SNTG1: variants seen among roughly 807,000 people sequenced by gnomAD.
The protein encoded by SNTG1 is syntrophin gamma 1.
SNTG1 carries 39 observed loss-of-function variants against 74.7 expected under a neutral mutation model. The observed-to-expected ratio is 0.52, with a 90% CI of 0.40 to 0.68. The LOEUF is 0.68. SNTG1 is among the 30% of genes least tolerant of loss of function. The probability of loss-of-function intolerance (pLI) is 0.00; values close to 1 mark genes in which losing one functional copy is unlikely to be tolerated. For missense variants in SNTG1, 685 were observed against 609.5 expected, an observed-to-expected ratio of 1.12 and a Z score of -1.30; for synonymous variants, 254 against 217.1, an observed-to-expected ratio of 1.17 and a Z score of -1.49.
intron 1 of SNTG1, among the ~76,000 whole-genome samples, chr8:49,922,302 G>T (rs1254877985): frequency 6.6e-6 from 1 of 152,040 alleles, no homozygotes; most frequent in Non-Finnish European, 1.5e-5. Context: ...CTAGAGGAGT[G>T]AATTATCTAC....
At chr8:49,914,139 A>G (rs999320087) in intron 1 of SNTG1, among the ~76,000 whole-genome samples, 1 of 152,144 alleles carries the variant, frequency 6.6e-6, no homozygotes, top group African/African-American at 2.4e-5. Context: ...CTAATCTCTA[A>G]TTGTAAAGTA....
chr8:50,476,295 C>T (rs1446146085), intron 8 of SNTG1, among the ~76,000 whole-genome samples: 3 of 152,104 alleles, frequency 2.0e-5, no homozygotes, highest in Admixed American at 1.3e-4. Flanking sequence ...ACAGGAAAAA[C>T]ATGGTATATA....
intron 2 of SNTG1, among the ~76,000 whole-genome samples, chr8:50,177,437 C>T (rs2083040432): frequency 6.6e-6 from 1 of 152,162 alleles, no homozygotes. Flanking sequence ...TGCTTGCCTC[C>T]CTCTGTCCTG....
intron 15 of SNTG1, among the ~76,000 whole-genome samples, chr8:50,676,603 G>T (rs2095310652): frequency 6.6e-6 from 1 of 151,448 alleles, no homozygotes; most frequent in South Asian, 2.1e-4. Context: ...TACCGTTTCT[G>T]ATTCTTTTAG....
At chr8:50,501,611 A>ATTTTTTTTTTT (rs57220646) in intron 8 of SNTG1, among the ~76,000 whole-genome samples, 3 of 134,132 alleles carry the variant, frequency 2.2e-5, no homozygotes, top group Non-Finnish European at 3.3e-5. Context: ...ATTTTTTTTT[A>ATTTTTTTTTTT]TTTTTTTTTT....
intron 17 of SNTG1, among the ~76,000 whole-genome samples, chr8:50,730,432 T>C (rs2095510213): frequency 6.6e-6 from 1 of 152,218 alleles, no homozygotes; most frequent in Non-Finnish European, 1.5e-5. Flanking sequence ...TATTTCACAC[T>C]ATTTTGGCAC....
chr8:50,731,567 G>A (rs2095513075), intron 17 of SNTG1, among the ~76,000 whole-genome samples: 2 of 151,930 alleles, frequency 1.3e-5, no homozygotes, highest in African/African-American at 4.8e-5. Flanking sequence ...AATTAAATAA[G>A]CCATCCCACT....
At chr8:50,516,023 G>A (rs570033561) in intron 9 of SNTG1, among the ~76,000 whole-genome samples, 1 of 152,134 alleles carries the variant, frequency 6.6e-6, no homozygotes, top group Non-Finnish European at 1.5e-5. Flanking sequence ...AGCAGAGGTC[G>A]ACAGAAACCT....
At chr8:50,618,361 C>A (rs1246123797) in intron 13 of SNTG1, among the ~76,000 whole-genome samples, 1 of 152,178 alleles carries the variant, frequency 6.6e-6, no homozygotes, top group East Asian at 1.9e-4. Flanking sequence ...CTGTTGCATG[C>A]ATAATCACTA....
intron 9 of SNTG1, among the ~76,000 whole-genome samples, chr8:50,529,376 C>G (rs1266523237): frequency 1.3e-5 from 2 of 151,854 alleles, no homozygotes; most frequent in Non-Finnish European, 2.9e-5. Flanking sequence ...TTTTTTAGCA[C>G]ATGGACTATT....
chr8:50,264,791 A>G (rs912475633), intron 2 of SNTG1, among the ~76,000 whole-genome samples: 2 of 152,066 alleles, frequency 1.3e-5, no homozygotes, highest in South Asian at 2.1e-4. Context: ...TCAGGAATGA[A>G]AAGGAGAACA....
At chr8:50,389,074 C>T (rs1322300107) in intron 2 of SNTG1, among the ~76,000 whole-genome samples, 5 of 152,120 alleles carry the variant, frequency 3.3e-5, no homozygotes, top group Admixed American at 6.6e-5. Context: ...AAACTGTTCT[C>T]GTGCAATTGC....
rs559006922 is a variant in SNTG1 at position 50,282,697 on chromosome 8, C to T, written c.-28+110062C>T. ...AGGAGAATCACTTGAACCCAGGAGG[C>T]GGAGGTTGCAGTGAGCTGAGATCGT... On this transcript the variant is annotated intron_variant, in intron 2 of 18. Transcript: ENST00000642720. 1.4e-4 allele frequency among the ~76,000 whole-genome samples: 22 copies of T among 152,058 alleles called. No individual in the cohort carries two copies. In the South Asian group the frequency reaches 1.7e-3, roughly 11 times the overall value.
intron 8 of SNTG1, among the ~76,000 whole-genome samples, chr8:50,499,186 T>C (rs1434146235): frequency 1.3e-5 from 2 of 151,876 alleles, no homozygotes; most frequent in East Asian, 1.9e-4. Flanking sequence ...GTTTGATAAA[T>C]ATTGAGTCTT....
At chr8:50,736,970 A>G (rs1280060945) in intron 17 of SNTG1, among the ~76,000 whole-genome samples, 1 of 152,138 alleles carries the variant, frequency 6.6e-6, no homozygotes, top group Non-Finnish European at 1.5e-5. Flanking sequence ...GGAAAGATCT[A>G]AAATCAATAC....
chr8:50,086,638 G>T (rs983714045), intron 1 of SNTG1, among the ~76,000 whole-genome samples: 2 of 152,080 alleles, frequency 1.3e-5, no homozygotes, highest in African/African-American at 2.4e-5. Flanking sequence ...CCTGAGGCAT[G>T]GGAGGCTGTG....
At chr8:50,103,444 C>T (rs2080230110) in intron 1 of SNTG1, among the ~76,000 whole-genome samples, 1 of 151,910 alleles carries the variant, frequency 6.6e-6, no homozygotes. Context: ...TGCTTATCAG[C>T]TTAAGGAGAT....
At chr8:50,759,071 A>G (rs1423344274) in intron 18 of SNTG1, among the ~76,000 whole-genome samples, 4 of 152,144 alleles carry the variant, frequency 2.6e-5, no homozygotes, top group African/African-American at 9.7e-5. Flanking sequence ...AGTGAAGATG[A>G]GCATTTTTTC....
At chr8:49,932,532 G>A (rs1807687368) in intron 1 of SNTG1, among the ~76,000 whole-genome samples, 1 of 151,074 alleles carries the variant, frequency 6.6e-6, no homozygotes, top group African/African-American at 2.4e-5. Flanking sequence ...TCTCAAACTA[G>A]TCATTATGTC....
Sources: allele counts gnomAD v4.1 joint callset (sites outside exome capture counted in the v4.1 genomes callset), GRCh38; gene constraint gnomAD v4.1.1; transcripts MANE v1.5; gene names NCBI Gene and HGNC (gene_info 2026-07-23, HGNC 2026-07-21).